NBAS: variants seen among roughly 807,000 people sequenced by gnomAD.
NBAS encodes NBAS subunit of NRZ tethering complex, also known as NAG/BC035112 fusion.
A neutral mutation model predicts 302.5 loss-of-function variants in NBAS; 219 were observed. That is an observed-to-expected ratio of 0.72 (90% confidence interval 0.65 to 0.81). The LOEUF (loss-of-function observed/expected upper bound fraction) is 0.81, where lower values mean the gene tolerates loss of function less well. Ranked by LOEUF, NBAS falls within the 30% of genes least tolerant of loss-of-function variation. The probability of loss-of-function intolerance (pLI) is 0.00; values close to 1 mark genes in which losing one functional copy is unlikely to be tolerated. For synonymous variants in NBAS, 1,118 were observed against 1,021.6 expected, an observed-to-expected ratio of 1.09 and a Z score of -1.80; for missense variants, 2,932 against 2,841.6, an observed-to-expected ratio of 1.03 and a Z score of -0.72.
At chr2:14,836,706 A>T in the NBAS span, among the ~76,000 whole-genome samples, 4 of 151,860 alleles carry the variant, frequency 2.6e-5, no homozygotes, top group Admixed American at 1.3e-4. Flanking sequence ...AAATAGCATA[A>T]TTCTGCGTAC....
At chr2:15,012,304 T>C in the NBAS span, among the ~76,000 whole-genome samples, 2 of 151,886 alleles carry the variant, frequency 1.3e-5, no homozygotes, top group African/African-American at 2.4e-5. Flanking sequence ...AACAATAGAC[T>C]ATACCAAGCA....
chr2:15,470,519 T>G (rs7565515), intron 16 of NBAS, among the ~76,000 whole-genome samples: 1,903 of 152,316 alleles, frequency 0.012, 36 homozygotes, highest in African/African-American at 0.043. Flanking sequence ...AATATAGCAG[T>G]GAATAAAACA....
intron 40 of NBAS, among the ~76,000 whole-genome samples, chr2:15,297,744 G>A (rs879508858): frequency 3.9e-5 from 6 of 152,164 alleles, no homozygotes; most frequent in Admixed American, 2.0e-4. Flanking sequence ...CTTGCCATTA[G>A]AGTCCTTTTA....
At chr2:15,427,927 A>G (rs1326414068) in intron 21 of NBAS, 133 bp from the exon 22 acceptor site, 2 of 713,322 alleles carry the variant, frequency 2.8e-6, no homozygotes, top group Non-Finnish European at 2.4e-6. Context: ...TTTAAGTGGT[A>G]CAGGATACAT....
At chr2:15,532,783 A>C (rs1380794238) in intron 9 of NBAS, among the ~76,000 whole-genome samples, 1 of 152,086 alleles carries the variant, frequency 6.6e-6, no homozygotes, top group Non-Finnish European at 1.5e-5. Flanking sequence ...AAAACTAAAC[A>C]CTTGAAATTA....
At chr2:15,520,075 T>A (rs1489477133) in intron 9 of NBAS, among the ~76,000 whole-genome samples, 1 of 151,814 alleles carries the variant, frequency 6.6e-6, no homozygotes. Flanking sequence ...CGGCTATAAT[T>A]TTTTTTAAAT....
intron 25 of NBAS, among the ~76,000 whole-genome samples, chr2:15,406,116 CAA>C (rs772651880): frequency 7.4e-6 from 1 of 134,528 alleles, no homozygotes; most frequent in East Asian, 2.3e-4. Flanking sequence ...AAAAAAAAAA[CAA>C]AACAAAAAAA....
chr2:15,194,052 TCTGGACCTAGAAA>T (rs1289792834), intron 48 of NBAS, among the ~76,000 whole-genome samples: 1 of 151,116 alleles, frequency 6.6e-6, no homozygotes, highest in Non-Finnish European at 1.5e-5. Context: ...ATTTCCCAAT[TCTGGACCTAGAAA>T]CAGACCAGAG....
At chr2:15,367,302 G>A (rs1443229141) in intron 31 of NBAS, among the ~76,000 whole-genome samples, 2 of 151,762 alleles carry the variant, frequency 1.3e-5, no homozygotes, top group Non-Finnish European at 2.9e-5. Context: ...CTAGACAAAG[G>A]GTACTACGTA....
At chr2:15,086,841 T>C in the NBAS span, among the ~76,000 whole-genome samples, 7 of 152,318 alleles carry the variant, frequency 4.6e-5, no homozygotes, top group Admixed American at 2.0e-4. Context: ...TTATTCTGGA[T>C]GTTTCTATGA....
intron 21 of NBAS, among the ~76,000 whole-genome samples, chr2:15,440,849 C>T (rs58174372): frequency 0.015 from 2,328 of 151,752 alleles, 104 homozygotes; most frequent in African/African-American, 0.054. Flanking sequence ...TGGAGAACTA[C>T]GTGAAGAATG....
the NBAS span, among the ~76,000 whole-genome samples, chr2:14,868,532 A>G: frequency 1.3e-5 from 2 of 152,194 alleles, no homozygotes; most frequent in Non-Finnish European, 2.9e-5. Context: ...CACTAAAGTT[A>G]CTTTCCTGAT....
intron 32 of NBAS, among the ~76,000 whole-genome samples, chr2:15,359,270 A>G (rs1156858266): frequency 6.6e-6 from 1 of 152,202 alleles, no homozygotes; most frequent in Non-Finnish European, 1.5e-5. Flanking sequence ...TTGTCAATTA[A>G]TTCACAGGCA....
chr2:14,972,412 A>G, the NBAS span, among the ~76,000 whole-genome samples: 1 of 151,538 alleles, frequency 6.6e-6, no homozygotes. Context: ...TGTGTCCCAG[A>G]ACTTAAAGTA....
At chr2:14,941,701 A>G in the NBAS span, among the ~76,000 whole-genome samples, 1 of 152,206 alleles carries the variant, frequency 6.6e-6, no homozygotes, top group Non-Finnish European at 1.5e-5. Flanking sequence ...TGTCATAGCG[A>G]CAAATTATCT....
intron 21 of NBAS, among the ~76,000 whole-genome samples, chr2:15,432,642 G>GC (rs1677821138): frequency 6.6e-6 from 1 of 152,126 alleles, no homozygotes; most frequent in East Asian, 1.9e-4. Flanking sequence ...CACCTTTTAA[G>GC]CATTGGCTTT....
chr2:15,485,644 T>C (rs1015835), intron 12 of NBAS, among the ~76,000 whole-genome samples: 95,269 of 152,122 alleles, frequency 0.63, 30,586 homozygotes, highest in Middle Eastern at 0.68. Context: ...GACGATCTTA[T>C]TCCTGTACCT....
rs1323025608 is a variant in NBAS at position 15,186,867 on chromosome 2, G to T, written c.6586C>A (p.Pro2196Thr). 5 of 1,613,822 alleles carry T rather than the reference G, an allele frequency of 3.1e-6. No individual in the cohort carries two copies. Among genetic ancestry groups the T allele is most frequent in the Non-Finnish European group, 3.4e-6 (4 of 1,179,960 alleles). Residue 2196 changes from proline (P) to threonine (T), a missense_variant, in exon 50 of 52, where the codon CCA becomes ACA. By Grantham distance (38) the Pro-to-Thr change is conservative. Coordinates refer to ENST00000281513, the MANE Select transcript of NBAS (RefSeq NM_015909.4). ...ATCACTGTAGCTAGTCTCACCCATG[G>T]ATTATTGGTTATGCTGGTGTTTATG... is the stretch of plus-strand genomic sequence containing the variant. ...MKSEYVITNN[P>T]WVRLATVMLT...
intron 9 of NBAS, among the ~76,000 whole-genome samples, chr2:15,525,100 C>G (rs1212417051): frequency 6.6e-6 from 1 of 152,186 alleles, no homozygotes; most frequent in Non-Finnish European, 1.5e-5. Context: ...AAATGACCGT[C>G]CAGTTTCTGA....
Sources: gnomAD v4.1 joint callset for allele counts (sites outside exome capture counted in the v4.1 genomes callset) on GRCh38, gnomAD v4.1.1 for gene constraint, MANE v1.5 for transcripts, NCBI Gene and HGNC (gene_info 2026-07-23, HGNC 2026-07-21) for gene names.